SLC24A3: variants seen among roughly 807,000 people sequenced by gnomAD.
SLC24A3 encodes solute carrier family 24 member 3.
A neutral mutation model predicts 75.8 loss-of-function variants in SLC24A3; 28 were observed. That is an observed-to-expected ratio of 0.37 (90% CI 0.27 to 0.51). SLC24A3 has a LOEUF of 0.51. SLC24A3 is among the 20% of genes least tolerant of loss of function. The probability of loss-of-function intolerance (pLI) is 0.94; values close to 1 mark genes in which losing one functional copy is unlikely to be tolerated. For synonymous variants in SLC24A3, 372 were observed against 334.1 expected (o/e 1.11, Z -1.24); for missense variants, 663 against 847.8 (o/e 0.78, Z 2.71).
At chr20:19,320,954 CATAT>C (rs1287509713) in intron 2 of SLC24A3, among the ~76,000 whole-genome samples, 8 of 151,896 alleles carry the variant, frequency 5.3e-5, no homozygotes, top group Non-Finnish European at 8.8e-5. Flanking sequence ...TGTACACACA[CATAT>C]ATATGTATTG....
intron 13 of SLC24A3, chr20:19,696,526 T>C (rs2032807809): frequency 8.2e-6 from 3 of 366,090 alleles, no homozygotes. Context: ...TTTTCTCTTC[T>C]CAAACCACCC....
chr20:19,658,223 C>T (rs1196835216), intron 7 of SLC24A3, among the ~76,000 whole-genome samples: 1 of 152,126 alleles, frequency 6.6e-6, no homozygotes, highest in African/African-American at 2.4e-5. Flanking sequence ...ATGGCGACTT[C>T]TCCAGAGACG....
At chr20:19,371,814 A>G (rs1985997371) in intron 2 of SLC24A3, among the ~76,000 whole-genome samples, 2 of 152,174 alleles carry the variant, frequency 1.3e-5, no homozygotes, top group Non-Finnish European at 2.9e-5. Flanking sequence ...AACCTACCCC[A>G]GAGTCTGAGG....
intron 2 of SLC24A3, among the ~76,000 whole-genome samples, chr20:19,348,833 C>G (rs1026844645): frequency 7.2e-5 from 11 of 152,144 alleles, no homozygotes; most frequent in African/African-American, 2.2e-4. Flanking sequence ...GTTTCACAAT[C>G]CACTCTCCAT....
At chr20:19,511,516 A>G (rs1003354986) in intron 2 of SLC24A3, among the ~76,000 whole-genome samples, 2 of 151,740 alleles carry the variant, frequency 1.3e-5, no homozygotes, top group African/African-American at 4.8e-5. Context: ...TTTAGTAGAG[A>G]CAGGGTTTCA....
At position 19,451,778 on chromosome 20, in the gene SLC24A3, A is replaced by G. The variant is rs138663251; in HGVS notation, c.272-63710A>G. ...TGTGTTCCTCTTGCCTCTTCTCTGCATGCCTGCCTTGGGAGTGCACCACAC... is the reference window on the plus strand; with the variant it reads ...TGTGTTCCTCTTGCCTCTTCTCTGCGTGCCTGCCTTGGGAGTGCACCACAC... On this transcript the variant is annotated intron_variant, in intron 2 of 16. Coordinates refer to ENST00000328041, the MANE Select transcript of SLC24A3 (RefSeq NM_020689.4). Among the ~76,000 whole-genome samples, 13 of 152,276 alleles carry G rather than the reference A, an allele frequency of 8.5e-5. No individual in the cohort carries two copies. The East Asian group carries it at 2.3e-3, about 27-fold the overall frequency.
At chr20:19,605,218 T>C (rs534723017) in intron 6 of SLC24A3, among the ~76,000 whole-genome samples, 48 of 152,338 alleles carry the variant, frequency 3.2e-4, no homozygotes, top group Non-Finnish European at 6.2e-4. Flanking sequence ...TTGTACAAAG[T>C]GTATGATTGA....
intron 2 of SLC24A3, among the ~76,000 whole-genome samples, chr20:19,510,906 A>G (rs917323160): frequency 1.3e-5 from 2 of 152,346 alleles, no homozygotes; most frequent in Admixed American, 6.5e-5. Context: ...GTTTCTTGAT[A>G]TATCACCTGT....
chr20:19,311,323 A>G (rs988788676), intron 2 of SLC24A3, among the ~76,000 whole-genome samples: 1 of 151,966 alleles, frequency 6.6e-6, no homozygotes, highest in Non-Finnish European at 1.5e-5. Flanking sequence ...TATGTGGTGG[A>G]TCATTCCAGG....
chr20:19,479,675 TG>T (rs1359644574), intron 2 of SLC24A3, among the ~76,000 whole-genome samples: 2 of 152,202 alleles, frequency 1.3e-5, no homozygotes, highest in East Asian at 1.9e-4. Flanking sequence ...TGGAGAGCTC[TG>T]GGAGACAGTA....
intron 2 of SLC24A3, among the ~76,000 whole-genome samples, chr20:19,511,452 C>T (rs1253525066): frequency 1.3e-5 from 2 of 152,056 alleles, no homozygotes; most frequent in African/African-American, 4.8e-5. Flanking sequence ...CTCAGCCTCC[C>T]AGGTAGCTGG....
chr20:19,315,556 A>G (rs921688775), intron 2 of SLC24A3, among the ~76,000 whole-genome samples: 3 of 152,028 alleles, frequency 2.0e-5, no homozygotes, highest in Non-Finnish European at 4.4e-5. Flanking sequence ...TCCCTGGGCT[A>G]TGGATTCTTT....
At chr20:19,442,036 G>A (rs772000113) in intron 2 of SLC24A3, among the ~76,000 whole-genome samples, 42 of 152,102 alleles carry the variant, frequency 2.8e-4, no homozygotes, top group Middle Eastern at 6.3e-3. Flanking sequence ...GCTTGATAGC[G>A]CATTTCTTTT....
chr20:19,546,124 A>T (rs977194973), intron 3 of SLC24A3, among the ~76,000 whole-genome samples: 1 of 126,276 alleles, frequency 7.9e-6, no homozygotes, highest in Admixed American at 1.0e-4. Context: ...GTGCCACTGC[A>T]CTTCAGCCTG....
chr20:19,492,511 A>T (rs16980673), intron 2 of SLC24A3, among the ~76,000 whole-genome samples: 1 of 152,102 alleles, frequency 6.6e-6, no homozygotes, highest in Non-Finnish European at 1.5e-5. Context: ...CATTTTTCCC[A>T]TTCAAGAAGC....
chr20:19,435,250 T>C (rs1222675268), intron 2 of SLC24A3, among the ~76,000 whole-genome samples: 1 of 152,244 alleles, frequency 6.6e-6, no homozygotes, highest in Non-Finnish European at 1.5e-5. Flanking sequence ...TTTTCTCCTC[T>C]GTAAAATGAG....
chr20:19,584,936 C>T, intron 4 of SLC24A3, 35 bp from the exon 5 acceptor site: 3 of 1,585,416 alleles, frequency 1.9e-6, no homozygotes, highest in South Asian at 2.2e-5. Flanking sequence ...GATGGAATCC[C>T]AACTCACCTG....
intron 3 of SLC24A3, among the ~76,000 whole-genome samples, chr20:19,527,381 G>A (rs74399688): frequency 0.025 from 3,755 of 152,274 alleles, 57 homozygotes; most frequent in South Asian, 0.037. Context: ...AATGAATGAA[G>A]TGTGCTTAAG....
chr20:19,468,788 G>A (rs1363759901), intron 2 of SLC24A3, among the ~76,000 whole-genome samples: 1 of 152,196 alleles, frequency 6.6e-6, no homozygotes, highest in Non-Finnish European at 1.5e-5. Flanking sequence ...TTTAACCATG[G>A]CCTGAAGTTT....
Sources: allele counts gnomAD v4.1 joint callset (sites outside exome capture counted in the v4.1 genomes callset), GRCh38; gene constraint gnomAD v4.1.1; transcripts MANE v1.5; gene names NCBI Gene and HGNC (gene_info 2026-07-23, HGNC 2026-07-21).